The following MTUS2 variants were observed in gnomAD, a reference collection of about 807,000 sequenced individuals.
MTUS2 encodes microtubule-associated tumor suppressor candidate 2.
MTUS2 carries 40 observed loss-of-function variants against 114.1 expected under a neutral mutation model. The observed-to-expected ratio is 0.35, with a 90% confidence interval of 0.27 to 0.46. The LOEUF (loss-of-function observed/expected upper bound fraction) is 0.46. Ranked by LOEUF, MTUS2 falls within the 20% of genes least tolerant of loss-of-function variation. MTUS2 has a pLI of 1.00. For missense variants in MTUS2, 1,679 were observed against 1,705.4 expected (o/e 0.98, Z 0.27); for synonymous variants, 688 against 672.0 (o/e 1.02, Z -0.37).
chr13:28,956,539 A>G (rs1883076732), intron 2 of MTUS2, among the ~76,000 whole-genome samples: 1 of 152,154 alleles, frequency 6.6e-6, no homozygotes, highest in African/African-American at 2.4e-5. Flanking sequence ...AGAATTGGAG[A>G]TATGAGAGGT....
chr13:29,269,444 G>T (rs1897791958), intron 5 of MTUS2, among the ~76,000 whole-genome samples: 25 of 151,916 alleles, frequency 1.6e-4, no homozygotes, highest in Admixed American at 1.6e-3. Flanking sequence ...AATAACAAAG[G>T]TAAGAAAATG....
chr13:28,880,503 T>G (rs1402511138), intron 2 of MTUS2, among the ~76,000 whole-genome samples: 1 of 152,166 alleles, frequency 6.6e-6, no homozygotes, highest in African/African-American at 2.4e-5. Flanking sequence ...AACACAGTGT[T>G]TATCCATCAA....
intron 5 of MTUS2, among the ~76,000 whole-genome samples, chr13:29,202,059 A>G (rs1894981571): frequency 6.6e-6 from 1 of 152,266 alleles, no homozygotes; most frequent in East Asian, 1.9e-4. Context: ...CTGTCTTGCT[A>G]GATTGAGGAA....
At chr13:29,481,072 G>A (rs1881129067) in intron 10 of MTUS2, among the ~76,000 whole-genome samples, 1 of 152,190 alleles carries the variant, frequency 6.6e-6, no homozygotes, top group Admixed American at 6.5e-5. Flanking sequence ...CACTAAGTTA[G>A]AATTGCCTGC....
chr13:29,084,140 T>A (rs1889563180), intron 4 of MTUS2, among the ~76,000 whole-genome samples: 1 of 152,166 alleles, frequency 6.6e-6, no homozygotes, highest in Non-Finnish European at 1.5e-5. Flanking sequence ...CCATGAAGAT[T>A]TGCCTGTTGG....
At position 29,014,369 on chromosome 13, in the gene MTUS2, A is replaced by G. The variant is rs1433744381; in HGVS notation, c.-242-10088A>G. On this transcript the variant is annotated intron_variant, in intron 2 of 15. Coordinates refer to ENST00000612955, the MANE Select transcript of MTUS2 (RefSeq NM_001033602.4). ...ATATACTCTTAGCAAGACATGACCCAGAAAGCTAAATAAATTAGGAAAGCT... is the reference window on the plus strand; with the variant it reads ...ATATACTCTTAGCAAGACATGACCCGGAAAGCTAAATAAATTAGGAAAGCT... Among the ~76,000 whole-genome samples the G allele has an allele frequency of 2.6e-5, 4 of 152,250 alleles. No homozygotes were observed. The East Asian group carries it at 7.7e-4, about 29-fold the overall frequency.
chr13:29,203,237 C>G (rs1566063924), intron 5 of MTUS2, among the ~76,000 whole-genome samples: 1 of 152,204 alleles, frequency 6.6e-6, no homozygotes, highest in Admixed American at 6.5e-5. Flanking sequence ...GAGAGGCAGT[C>G]TGGCTATGGC....
Position 29,025,755 on chromosome 13 carries a change from C to T in MTUS2, c.1057C>T (p.His353Tyr). 2 of 1,613,996 alleles carry T rather than the reference C, an allele frequency of 1.2e-6. No homozygotes were observed. Among genetic ancestry groups the T allele is most frequent in the Non-Finnish European group, 1.7e-6 (2 of 1,179,890 alleles). The change falls in exon 3 of 16, where the codon CAC becomes TAC. Residue 353 changes from histidine (H) to tyrosine (Y), a missense_variant. Physicochemically the swap from His to Tyr is moderately conservative, Grantham distance 83. Transcript: ENST00000612955. ...GGGAAGGGATCCATGTGGGGAAGCA[C>T]ACCCGGAAGCCACCGATGCACTTGG... ...LEGRDPCGEA[H>Y]PEATDALGHL...
chr13:29,421,937 A>G (rs968839142), intron 8 of MTUS2, among the ~76,000 whole-genome samples: 2 of 152,218 alleles, frequency 1.3e-5, no homozygotes, highest in Non-Finnish European at 2.9e-5. Flanking sequence ...ATAAAATTGA[A>G]CATTTTAACA....
Position 29,359,319 on chromosome 13 carries a change from C to T in MTUS2, c.2963C>T (p.Pro988Leu), listed in dbSNP as rs772646527. ...ARNGFPPKPD[P>L]QAREAERQLV... ...AATGGGTTTCCGCCCAAGCCGGACC[C>T]GCAGGCCCGTGAGGCTGAGCGGCAG... Residue 988 changes from proline (P) to leucine (L), a missense_variant, in exon 8 of 16, where the codon CCG (proline) becomes CTG (leucine). Around this residue, in one of 3 missense-constraint regions of MTUS2, gnomAD observed 822 missense variants for 899.7 expected, o/e 0.91. Coordinates refer to ENST00000612955, the MANE Select transcript of MTUS2 (RefSeq NM_001033602.4). 6.8e-6 allele frequency: 11 copies of T among 1,610,352 alleles called. No homozygotes were observed. The highest frequency in any genetic ancestry group is 3.4e-5 in the Admixed American group (2 of 59,448).
chr13:28,994,431 T>C (rs1262539217), intron 2 of MTUS2, among the ~76,000 whole-genome samples: 1 of 152,220 alleles, frequency 6.6e-6, no homozygotes, highest in Middle Eastern at 3.2e-3. Flanking sequence ...ATGGGATGGC[T>C]GGGTCAAATG....
intron 5 of MTUS2, among the ~76,000 whole-genome samples, chr13:29,131,666 G>C (rs950658281): frequency 1.3e-5 from 2 of 152,272 alleles, no homozygotes; most frequent in African/African-American, 2.4e-5. Context: ...TGTGAAAGAT[G>C]AGAGGCTGCA....
intron 8 of MTUS2, among the ~76,000 whole-genome samples, chr13:29,388,961 A>G (rs898970817): frequency 2.6e-5 from 4 of 152,022 alleles, no homozygotes; most frequent in Non-Finnish European, 5.9e-5. Context: ...TGCCCCCAGC[A>G]GTATTTCCTA....
intron 1 of MTUS2, among the ~76,000 whole-genome samples, chr13:28,835,198 A>T (rs1485953500): frequency 6.6e-6 from 1 of 152,228 alleles, no homozygotes; most frequent in Non-Finnish European, 1.5e-5. Flanking sequence ...TTACATATCC[A>T]TATAAAAACT....
At chr13:29,444,902 G>A (rs1329445410) in intron 9 of MTUS2, among the ~76,000 whole-genome samples, 1 of 152,212 alleles carries the variant, frequency 6.6e-6, no homozygotes, top group Non-Finnish European at 1.5e-5. Flanking sequence ...TCCTTCCTTT[G>A]CCTTTGCCTG....
At chr13:29,435,489 T>C (rs539940464) in intron 8 of MTUS2, among the ~76,000 whole-genome samples, 1 of 152,310 alleles carries the variant, frequency 6.6e-6, no homozygotes, top group East Asian at 1.9e-4. Context: ...AGGGGAGTAA[T>C]GACTTGAGAT....
In MTUS2 at chr13:29,339,138, G is replaced by A. The variant is rs1402696643; in HGVS notation, c.2905+14427G>A. ...TCCCGGGGCGGCTCCTTGGGGTGTA[G>A]GAAGGCCCAATACAGACATTGTTGC... On this transcript the variant is annotated intron_variant, in intron 7 of 15. Coordinates refer to ENST00000612955, the MANE Select transcript of MTUS2 (RefSeq NM_001033602.4). 2.6e-5 allele frequency among the ~76,000 whole-genome samples: 4 copies of A among 152,118 alleles called. No homozygotes were observed. In the East Asian group the frequency reaches 7.7e-4, roughly 29 times the overall value.
At chr13:29,086,001 T>G (rs1413970926) in intron 4 of MTUS2, among the ~76,000 whole-genome samples, 2 of 152,190 alleles carry the variant, frequency 1.3e-5, no homozygotes, top group East Asian at 3.9e-4. Context: ...TGGTATGTCA[T>G]TGAGGTTTTG....
chr13:29,424,455 T>C (rs1254189780), intron 8 of MTUS2, among the ~76,000 whole-genome samples: 2 of 152,214 alleles, frequency 1.3e-5, no homozygotes, highest in Non-Finnish European at 2.9e-5. Flanking sequence ...CAGAACATTA[T>C]GTTGCAGTCC....
Sources: gnomAD v4.1 joint callset for allele counts (sites outside exome capture counted in the v4.1 genomes callset) on GRCh38, gnomAD v4.1.1 for gene constraint, gnomAD v4.1.1 regional missense constraint, MANE v1.5 for transcripts, NCBI Gene and HGNC (gene_info 2026-07-23, HGNC 2026-07-21) for gene names.